SGO2: variants seen among roughly 807,000 people sequenced by gnomAD.
The protein encoded by SGO2 is shugoshin 2.
Under a neutral mutation model 99.5 loss-of-function variants are expected in SGO2, and 68 were observed. That is an observed-to-expected ratio of 0.68 (90% CI 0.56 to 0.84). SGO2 has a LOEUF of 0.84. Among genes scored for constraint, SGO2 ranks in the 40% least tolerant of loss-of-function variants. The pLI, the probability that SGO2 is intolerant of heterozygous loss-of-function variation, is 0.00. For missense variants in SGO2, 1,350 were observed against 1,436.7 expected, an observed-to-expected ratio of 0.94 and a Z score of 0.97; for synonymous variants, 457 against 487.1, an observed-to-expected ratio of 0.94 and a Z score of 0.81.
chr2:200,547,817 T>G (rs995390927), intron 5 of SGO2, among the ~76,000 whole-genome samples: 5 of 152,016 alleles, frequency 3.3e-5, no homozygotes, highest in African/African-American at 9.7e-5. Context: ...GAAAAAGATA[T>G]TCCATGCAAC....
Position 200,545,964 on chromosome 2 carries a change from C to G in SGO2, c.473+3300C>G, listed in dbSNP as rs192754562. Among the ~76,000 whole-genome samples, 93 of 152,260 alleles carry G rather than the reference C, an allele frequency of 6.1e-4. 1 individual carries two copies. The highest frequency in any genetic ancestry group is 2.1e-3 in the African/African-American group (88 of 41,550). Reference sequence around the variant, plus strand: ...TGCTCTGTAACTCAGCCAAAGGAAGCGCCAAATGAGAGTGGTTGTAGGAGG... The same window carrying G: ...TGCTCTGTAACTCAGCCAAAGGAAGGGCCAAATGAGAGTGGTTGTAGGAGG... On this transcript the variant is annotated intron_variant, in intron 5 of 8. Coordinates refer to ENST00000357799, the MANE Select transcript of SGO2 (RefSeq NM_152524.6).
At chr2:200,568,267 CTCTTT>C (rs1275584430) in intron 5 of SGO2, among the ~76,000 whole-genome samples, 4 of 152,082 alleles carry the variant, frequency 2.6e-5, no homozygotes, top group Admixed American at 2.6e-4. Flanking sequence ...CAAGATCATT[CTCTTT>C]TGATTATCTT....
chr2:200,581,806 G>A (rs777560311), intron 8 of SGO2, among the ~76,000 whole-genome samples: 35 of 152,166 alleles, frequency 2.3e-4, no homozygotes, highest in Admixed American at 4.6e-4. Flanking sequence ...TGCATGCACT[G>A]TACATTTAAA....
intron 4 of SGO2, among the ~76,000 whole-genome samples, chr2:200,540,071 T>C (rs2031890046): frequency 6.6e-6 from 1 of 152,216 alleles, no homozygotes; most frequent in Admixed American, 6.5e-5. Flanking sequence ...GCTCTTTGTA[T>C]CTATTTGTTT....
rs577850767 is a variant in SGO2, at chr2:200,570,886, C to T, written c.704-164C>T. On this transcript the variant is annotated intron_variant, in intron 6 of 8. Coordinates refer to ENST00000357799, the MANE Select transcript of SGO2 (RefSeq NM_152524.6). This position sits in a 1 kb window ranked among gnomAD's most constrained non-coding sequence, Gnocchi z 4.4. ...ATTTAGGAGTATTCATCATTTCTAA[C>T]TTATTTTCTTATAAGCATAGATTCT... is the stretch of plus-strand genomic sequence containing the variant. Among the ~76,000 whole-genome samples, 232 of 152,086 alleles carry T rather than the reference C, an allele frequency of 1.5e-3. 1 individual carries two copies. Among genetic ancestry groups the T allele is most frequent in the African/African-American group, 5.2e-3 (218 of 41,532 alleles).
In SGO2 at chr2:200,573,578, A is replaced by C. The variant is rs770603542; in HGVS notation, c.3232A>C (p.Lys1078Gln). The C allele has an allele frequency of 6.2e-7, 1 of 1,605,758 alleles. No individual in the cohort carries two copies. The highest frequency in any genetic ancestry group is 8.5e-7 in the Non-Finnish European group (1 of 1,177,760). The change falls in exon 7 of 9, where the codon AAG (lysine) becomes CAG (glutamine). Residue 1078 changes from lysine (K) to glutamine (Q), a missense_variant. Physicochemically the swap from Lys to Gln is moderately conservative, Grantham distance 53. Transcript: ENST00000357799. ...QVKKVNKMTSKSKKRKTSIDP... is the reference protein window; with the variant it reads ...QVKKVNKMTSQSKKRKTSIDP... ...TAAAAAGGTAAATAAAATGACATCTAAGTCAAAGAAAAGGAAGACCTCCAT... is the reference window on the plus strand; with the variant it reads ...TAAAAAGGTAAATAAAATGACATCTCAGTCAAAGAAAAGGAAGACCTCCAT...
chr2:200,568,515 C>G (rs56678605), intron 5 of SGO2, among the ~76,000 whole-genome samples: 4,147 of 152,192 alleles, frequency 0.027, 192 homozygotes, highest in African/African-American at 0.095. Flanking sequence ...TCGAATCTTC[C>G]TCATATATAT....
rs1230750951 is a variant in SGO2 at position 200,573,248 on chromosome 2, A to G, written c.2902A>G (p.Asn968Asp). 1.3e-6 allele frequency: 2 copies of G among 1,593,076 alleles called. No individual in the cohort carries two copies. Among genetic ancestry groups the G allele is most frequent in the Non-Finnish European group, 1.7e-6 (2 of 1,174,254 alleles). Residue 968 changes from asparagine (N) to aspartate (D), a missense_variant, in exon 7 of 9, where the codon AAT becomes GAT. Transcript: ENST00000357799. The part of the protein sequence containing the change: ...INKHYMEVNS[N>D]EKESCDQILD... ...TAAACACTATATGGAAGTCAACAGT[A>G]ATGAAAAGGAAAGTTGTGATCAAAT...
rs2033473861 is a variant in SGO2 at position 200,572,539 on chromosome 2, T to C, written c.2193T>C (p.Asn731=). The stretch of plus-strand genomic sequence containing the variant: ...TTTCTGAAGTGAATCATTTAGATAA[T>C]GACAAAAGTATAGAATACACAGTTA... ...EIISEVNHLD[N]DKSIEYTVKS... The change falls in exon 7 of 9, where the codon AAT becomes AAC. Residue 731 remains asparagine (N), a synonymous_variant. Coordinates refer to ENST00000357799, the MANE Select transcript of SGO2 (RefSeq NM_152524.6). The C allele has an allele frequency of 1.9e-6, 3 of 1,612,146 alleles. No individual in the cohort carries two copies. The highest frequency in any genetic ancestry group is 2.5e-6 in the Non-Finnish European group (3 of 1,178,824).
intron 8 of SGO2, among the ~76,000 whole-genome samples, chr2:200,581,119 T>C (rs552768695): frequency 6.6e-6 from 1 of 152,350 alleles, no homozygotes; most frequent in South Asian, 2.1e-4. Flanking sequence ...TTGCCAGTAT[T>C]TTCTTTGTGA....
At position 200,573,974 on chromosome 2, in the gene SGO2, A is replaced by C. The variant is rs1196456289; in HGVS notation, c.3628A>C (p.Ile1210Leu). ...KVNRRTQKSGIGDRPLQDLSN... is the reference protein window; with the variant it reads ...KVNRRTQKSGLGDRPLQDLSN... ...CAACCGGAGAACCCAAAAATCAGGA[A>C]TAGGTAGGTTAATAACCATTATGAA... The change falls in exon 7 of 9, where the codon ATA becomes CTA. Residue 1210 changes from isoleucine (I) to leucine (L), a missense_variant. Transcript: ENST00000357799. 6.4e-7 allele frequency: 1 copy of C among 1,574,036 alleles called. No individual in the cohort carries two copies. Among genetic ancestry groups the C allele is most frequent in the African/African-American group, 1.4e-5 (1 of 73,052 alleles).
rs1255964834 is a variant in SGO2 at position 200,570,566 on chromosome 2, T to C, written c.704-484T>C. Among the ~76,000 whole-genome samples, 2 of 151,220 alleles carry C rather than the reference T, an allele frequency of 1.3e-5. No individual in the cohort carries two copies. Among genetic ancestry groups the C allele is most frequent in the Admixed American group, 1.3e-4 (2 of 15,132 alleles). On this transcript the variant is annotated intron_variant, in intron 6 of 8. Coordinates refer to ENST00000357799, the MANE Select transcript of SGO2 (RefSeq NM_152524.6). This position sits in a 1 kb window ranked among gnomAD's most constrained non-coding sequence, Gnocchi z 4.4. ...ACACACATATATACACACATATATA[T>C]GGTATACATATAATGTATACAGTAT... is the stretch of plus-strand genomic sequence containing the variant.
rs1409538025 is a variant in SGO2, at chr2:200,542,587, G to C, written c.396G>C (p.Gln132His). The C allele has an allele frequency of 1.9e-6, 3 of 1,611,268 alleles. No individual in the cohort carries two copies. Among genetic ancestry groups the C allele is most frequent in the South Asian group, 2.2e-5 (2 of 90,794 alleles). ...ATTTTTTTCAAAAATAGTTCCATCA[G>C]AGTTCCTTTCTACTGTCAGCTAGCA... ...IEMSSLSEFHQSSFLLSASKK... is the reference protein window; with the variant it reads ...IEMSSLSEFHHSSFLLSASKK... Residue 132 changes from glutamine to histidine, a missense_variant, in exon 5 of 9, where the codon CAG becomes CAC. Coordinates refer to ENST00000357799, the MANE Select transcript of SGO2 (RefSeq NM_152524.6).
At position 200,572,274 on chromosome 2, in the gene SGO2, A is replaced by G. The variant is rs758414245; in HGVS notation, c.1928A>G (p.Lys643Arg). The change falls in exon 7 of 9, where the codon AAA becomes AGA. Residue 643 changes from lysine (K) to arginine (R), a missense_variant. Transcript: ENST00000357799. ...NDKDVVHGLK[K>R]GNFFFKTQED... ...AAAGATGTGGTGCATGGCCTAAAAA[A>G]AGGTAATTTTTTTTTCAAAACCCAA... is the stretch of plus-strand genomic sequence containing the variant. The G allele has an allele frequency of 3.1e-6, 5 of 1,610,848 alleles. No individual in the cohort carries two copies. The highest frequency in any genetic ancestry group is 3.4e-6 in the Non-Finnish European group (4 of 1,179,088).
rs868388304 is a variant in SGO2 at position 200,572,564 on chromosome 2, A to G, written c.2218A>G (p.Lys740Glu). 1 of 1,612,362 alleles carries G rather than the reference A, an allele frequency of 6.2e-7. No homozygotes were observed. Reference protein sequence around the residue: ...DNDKSIEYTVKSHSLFLTQKD... With the variant: ...DNDKSIEYTVESHSLFLTQKD... ...TGACAAAAGTATAGAATACACAGTT[A>G]AAAGTCACTCACTCTTTTTAACGCA... Residue 740 changes from lysine to glutamate, a missense_variant, in exon 7 of 9, where the codon AAA becomes GAA. By Grantham distance (56) the Lys-to-Glu change is moderately conservative. Transcript: ENST00000357799.
intron 8 of SGO2, among the ~76,000 whole-genome samples, chr2:200,576,250 G>C (rs1003237892): frequency 3.2e-4 from 47 of 146,482 alleles, no homozygotes; most frequent in Middle Eastern, 3.7e-3. Context: ...TTTTTAAACA[G>C]CTATTGAGAG....
intron 4 of SGO2, among the ~76,000 whole-genome samples, chr2:200,538,245 A>C (rs919870205): frequency 1.3e-5 from 2 of 151,690 alleles, no homozygotes; most frequent in Non-Finnish European, 2.9e-5. Context: ...CTCATTTGCT[A>C]CTCTCCTCTT....
chr2:200,565,773 T>G (rs890381578), intron 5 of SGO2, among the ~76,000 whole-genome samples: 1 of 152,204 alleles, frequency 6.6e-6, no homozygotes, highest in African/African-American at 2.4e-5. Context: ...TTATACTCTT[T>G]TTTTCTCTAA....
intron 3 of SGO2, 66 bp from the exon 4 acceptor site, chr2:200,535,999 T>C (rs1327304849): frequency 3.9e-6 from 4 of 1,018,624 alleles, no homozygotes; most frequent in Non-Finnish European, 5.7e-6. Context: ...CATTCATAAA[T>C]GCCTGATATT....
Sources: allele counts gnomAD v4.1 joint callset (sites outside exome capture counted in the v4.1 genomes callset), GRCh38; gene constraint gnomAD v4.1.1; non-coding constraint Gnocchi (gnomAD v3.1); transcripts MANE v1.5; gene names NCBI Gene and HGNC (gene_info 2026-07-23, HGNC 2026-07-21).